The following C8orf34 variants were observed in gnomAD, a reference collection of about 807,000 sequenced individuals.
C8orf34 encodes the protein chromosome 8 open reading frame 34.
C8orf34 carries 65 observed loss-of-function variants against 68.3 expected under a neutral mutation model. That is an observed-to-expected ratio of 0.95 (90% CI 0.78 to 1.17). The LOEUF (loss-of-function observed/expected upper bound fraction) is 1.17, where lower values mean the gene tolerates loss of function less well. Ranked by LOEUF, C8orf34 falls within the 50% of genes most tolerant of loss-of-function variation. The pLI, the probability that C8orf34 is intolerant of heterozygous loss-of-function variation, is 0.00. For synonymous variants in C8orf34, 244 were observed against 241.2 expected (o/e 1.01, Z -0.11); for missense variants, 664 against 655.4 (o/e 1.01, Z -0.14).
At chr8:68,396,712 C>CAAAAAAAAAAAAAA (rs56946858) in intron 1 of C8orf34, among the ~76,000 whole-genome samples, 2 of 18,696 alleles carry the variant, frequency 1.1e-4, no homozygotes, top group African/African-American at 3.5e-4. Context: ...AGCTGCTTGT[C>CAAAAAAAAAAAAAA]AAAAAAAAAA....
At chr8:68,624,479 A>G (rs1417072575) in intron 7 of C8orf34, among the ~76,000 whole-genome samples, 1 of 152,162 alleles carries the variant, frequency 6.6e-6, no homozygotes, top group Admixed American at 6.5e-5. Flanking sequence ...CTAAATTTAG[A>G]CAGATCAAAC....
chr8:68,385,102 T>C (rs1352037183), intron 1 of C8orf34, among the ~76,000 whole-genome samples: 4 of 151,984 alleles, frequency 2.6e-5, no homozygotes, highest in Admixed American at 6.6e-5. Flanking sequence ...AACCATGGAG[T>C]GTCCTCTTTA....
At chr8:68,469,773 T>C (rs1812300523) in intron 4 of C8orf34, among the ~76,000 whole-genome samples, 1 of 152,020 alleles carries the variant, frequency 6.6e-6, no homozygotes, top group Non-Finnish European at 1.5e-5. Context: ...TAGTGGATTA[T>C]ATTTTAGGAT....
At chr8:68,804,502 T>C (rs1404958352) in intron 12 of C8orf34, among the ~76,000 whole-genome samples, 3 of 152,178 alleles carry the variant, frequency 2.0e-5, no homozygotes, top group Non-Finnish European at 4.4e-5. Flanking sequence ...CAACTGGGTT[T>C]AATTCATCTA....
At chr8:68,601,159 C>A (rs1207510966) in intron 7 of C8orf34, among the ~76,000 whole-genome samples, 1 of 152,056 alleles carries the variant, frequency 6.6e-6, no homozygotes, top group Non-Finnish European at 1.5e-5. Flanking sequence ...CTGTTTCTTC[C>A]TCTTTCATGT....
chr8:68,526,483 T>C (rs1057056649), intron 6 of C8orf34, among the ~76,000 whole-genome samples: 90 of 152,312 alleles, frequency 5.9e-4, no homozygotes, highest in African/African-American at 2.2e-3. Context: ...AAAATTTTGT[T>C]ACTGCTCAGT....
chr8:68,620,130 G>T (rs749348677), intron 7 of C8orf34, among the ~76,000 whole-genome samples: 1 of 152,196 alleles, frequency 6.6e-6, no homozygotes, highest in Non-Finnish European at 1.5e-5. Flanking sequence ...TGAAGAGAAA[G>T]AGACTAGCCA....
At position 68,360,752 on chromosome 8, in the gene C8orf34, C is replaced by CTT. The variant is rs1319672272; in HGVS notation, c.327+29415_327+29416dup. The stretch of plus-strand genomic sequence containing the variant: ...GAATATTTCCCTTTTCCTTTTCTTC[C>CTT]TTTCTTTTTTTTTTTTTTTTTCTTG... On this transcript the variant is annotated intron_variant, in intron 1 of 13. Transcript: ENST00000518698. Among the ~76,000 whole-genome samples, 32 of 144,254 alleles carry CTT rather than the reference C, an allele frequency of 2.2e-4. 1 individual carries two copies. Among genetic ancestry groups the CTT allele is most frequent in the African/African-American group, 7.9e-4 (30 of 37,758 alleles). 94.6% of individuals were successfully genotyped at this position (144,254 alleles called of 152,430 possible).
At chr8:68,396,774 C>T (rs1219455714) in intron 1 of C8orf34, among the ~76,000 whole-genome samples, 1 of 143,322 alleles carries the variant, frequency 7.0e-6, no homozygotes, top group Non-Finnish European at 1.5e-5. Flanking sequence ...CTCGCTTCCT[C>T]TCCTGCCATG....
At chr8:68,816,638 T>G (rs1231495350) in intron 13 of C8orf34, among the ~76,000 whole-genome samples, 1 of 152,172 alleles carries the variant, frequency 6.6e-6, no homozygotes, top group Non-Finnish European at 1.5e-5. Flanking sequence ...AGTTTACTGT[T>G]ACCCTTGTCT....
chr8:68,749,852 C>T (rs1257498906), intron 10 of C8orf34, among the ~76,000 whole-genome samples: 1 of 152,142 alleles, frequency 6.6e-6, no homozygotes, highest in Non-Finnish European at 1.5e-5. Flanking sequence ...GGATTCACTA[C>T]ATTTTGTACG....
intron 8 of C8orf34, 112 bp from the exon 9 acceptor site, chr8:68,708,882 C>T: frequency 1.4e-6 from 1 of 738,906 alleles, no homozygotes; most frequent in Non-Finnish European, 2.3e-6. Context: ...TTTGAACATG[C>T]ATATCTGAGT....
At chr8:68,433,037 T>G (rs1299790960) in intron 1 of C8orf34, among the ~76,000 whole-genome samples, 1 of 152,126 alleles carries the variant, frequency 6.6e-6, no homozygotes, top group Non-Finnish European at 1.5e-5. Flanking sequence ...TAAAATACAT[T>G]TTTGGAGGCA....
chr8:68,634,906 G>A (rs575779049), intron 7 of C8orf34, among the ~76,000 whole-genome samples: 33 of 152,274 alleles, frequency 2.2e-4, no homozygotes, highest in South Asian at 6.2e-4. Context: ...AAGAACCATA[G>A]CAGTTGTTGA....
chr8:68,588,791 T>C (rs935364251), intron 7 of C8orf34, among the ~76,000 whole-genome samples: 2 of 152,100 alleles, frequency 1.3e-5, no homozygotes, highest in Admixed American at 6.6e-5. Flanking sequence ...CAAAGAACAA[T>C]TCAGCAAGAC....
At chr8:68,480,588 T>G (rs928905610) in intron 4 of C8orf34, among the ~76,000 whole-genome samples, 2 of 152,162 alleles carry the variant, frequency 1.3e-5, no homozygotes, top group Non-Finnish European at 2.9e-5. Flanking sequence ...TGAATGGCTT[T>G]GACAAAAATA....
intron 1 of C8orf34, among the ~76,000 whole-genome samples, chr8:68,371,857 C>T (rs1331681085): frequency 6.6e-6 from 1 of 152,056 alleles, no homozygotes; most frequent in Non-Finnish European, 1.5e-5. Flanking sequence ...CTCAGCCTCC[C>T]AAAGTGCTGG....
At chr8:68,763,574 C>T (rs771963018) in intron 10 of C8orf34, among the ~76,000 whole-genome samples, 11 of 152,218 alleles carry the variant, frequency 7.2e-5, no homozygotes, top group Non-Finnish European at 1.5e-4. Context: ...ACTCAATTTC[C>T]TGTTGATCCT....
intron 7 of C8orf34, among the ~76,000 whole-genome samples, chr8:68,559,203 A>C (rs116417757): frequency 2.8e-3 from 432 of 152,320 alleles, no homozygotes; most frequent in African/African-American, 9.3e-3. Flanking sequence ...GCAGGAATAC[A>C]GGTGGAAGAT....
Sources: gnomAD v4.1 joint callset for allele counts (sites outside exome capture counted in the v4.1 genomes callset) on GRCh38, gnomAD v4.1.1 for gene constraint, MANE v1.5 for transcripts, NCBI Gene and HGNC (gene_info 2026-07-23, HGNC 2026-07-21) for gene names.